The following SCAF8 variants were observed in gnomAD, a reference collection of about 807,000 sequenced individuals.
SCAF8 encodes the protein SR-related and CTD-associated factor 8.
Under a neutral mutation model 140.5 loss-of-function variants are expected in SCAF8, and 23 were observed. The ratio of observed to expected loss-of-function variants is 0.16; its 90% CI spans 0.12 to 0.23. The LOEUF is 0.23. Among genes scored for constraint, SCAF8 ranks in the 10% least tolerant of loss-of-function variants. The pLI is 1.00. For synonymous variants in SCAF8, 575 were observed against 528.9 expected, an observed-to-expected ratio of 1.09 and a Z score of -1.20; for missense variants, 1,397 against 1,555.7, an observed-to-expected ratio of 0.90 and a Z score of 1.72.
Position 154,795,145 on chromosome 6 carries a change from CG to C in SCAF8, c.606+8del. The C allele has an allele frequency of 6.4e-7, 1 of 1,556,340 alleles. No homozygotes were observed. Among genetic ancestry groups the C allele is most frequent in the South Asian group, 1.2e-5 (1 of 85,816 alleles). On this transcript the variant is annotated splice_region_variant and intron_variant, in intron 6 of 19. Coordinates refer to ENST00000367178, the MANE Select transcript of SCAF8 (RefSeq NM_014892.5). ...AAAGTCCTCAAGGCCAGCAGGTGAG[CG>C]GTTTTTCTGTTATATCAAGAATAAT...
rs188498947 is a variant in SCAF8 at position 154,831,188 on chromosome 6, T to C, written c.2359+48T>C. 206 of 1,205,642 alleles carry C rather than the reference T, an allele frequency of 1.7e-4. 2 individuals carry two copies. The East Asian group carries it at 3.2e-3, about 19-fold the overall frequency. The allele number at this position is 1,205,642 out of a possible 1,614,324, so 74.7% of individuals were successfully genotyped here. A position where few individuals can be genotyped will look rare whatever the true frequency, so the allele number is the denominator to read the frequency against. ...AAAAAAAGAGGTTGCCTCTCTGTAT[T>C]TGGTGTTTAATTCTGGGGTGGCATG... On this transcript the variant is annotated intron_variant, in intron 19 of 19. Coordinates refer to ENST00000367178, the MANE Select transcript of SCAF8 (RefSeq NM_014892.5).
chr6:154,820,288 G>T lies in SCAF8; in HGVS notation c.1747G>T (p.Gly583Cys), dbSNP rs756856374. ...AAAAGTTAAAGTGGATGACTTGGAAGGTTTTGCAGAAGGAGGCATGATTGA... is the reference window on the plus strand; with the variant it reads ...AAAAGTTAAAGTGGATGACTTGGAATGTTTTGCAGAAGGAGGCATGATTGA... ...WEKVKVDDLEGFAEGGMIDQE... is the reference protein window; with the variant it reads ...WEKVKVDDLECFAEGGMIDQE... The change falls in exon 15 of 20, where the codon GGT becomes TGT. Residue 583 changes from glycine (G) to cysteine (C), a missense_variant. This residue lies in a region of SCAF8 where 930 missense variants were observed against 874.6 expected (regional missense o/e 1.06). Transcript: ENST00000367178. 2.0e-5 allele frequency: 32 copies of T among 1,611,670 alleles called. No homozygotes were observed. The highest frequency in any genetic ancestry group is 2.5e-5 in the Non-Finnish European group (30 of 1,179,290).
chr6:154,808,279 G>A (rs1777981702), intron 10 of SCAF8, 78 bp downstream of exon 10: 15 of 1,339,354 alleles, frequency 1.1e-5, no homozygotes, highest in East Asian at 2.3e-5. Flanking sequence ...TACTAGCAGT[G>A]CCCTGAATAT....
rs568190180 is a variant in SCAF8, at chr6:154,820,147, T to TTTC, written c.1636-27_1636-25dup. 558 of 1,541,112 alleles carry TTTC rather than the reference T, an allele frequency of 3.6e-4. No individual in the cohort carries two copies. The African/African-American group carries it at 7.2e-3, about 20-fold the overall frequency. On this transcript the variant is annotated intron_variant, in intron 14 of 19. Transcript: ENST00000367178. ...GTTTTTATAGTATGTATGTATAACC[T>TTTC]TTCTTTTTTCCTCTTCCCATTTACA...
chr6:154,778,973 C>T (rs1249892690), intron 3 of SCAF8, among the ~76,000 whole-genome samples: 2 of 152,092 alleles, frequency 1.3e-5, no homozygotes, highest in Admixed American at 1.3e-4. Context: ...AGAGATTGTT[C>T]TGATTAAAGA....
chr6:154,735,659 G>A (rs1778396906), intron 1 of SCAF8, among the ~76,000 whole-genome samples: 1 of 151,474 alleles, frequency 6.6e-6, no homozygotes, highest in Non-Finnish European at 1.5e-5. Flanking sequence ...GATTACAGGC[G>A]CACATCACCA....
At chr6:154,764,507 T>C (rs188318073) in intron 1 of SCAF8, among the ~76,000 whole-genome samples, 5 of 152,226 alleles carry the variant, frequency 3.3e-5, no homozygotes, top group Non-Finnish European at 2.9e-5. Context: ...TTAGGAAGCA[T>C]TTAGGAAGTT....
At chr6:154,777,801 A>C (rs577240479) in intron 2 of SCAF8, among the ~76,000 whole-genome samples, 200 bp from the exon 3 acceptor site, 2 of 152,294 alleles carry the variant, frequency 1.3e-5, no homozygotes, top group South Asian at 2.1e-4. Flanking sequence ...TCACACATCT[A>C]CTTTAGAGAA....
chr6:154,776,244 C>T (rs1776913172), intron 2 of SCAF8, among the ~76,000 whole-genome samples: 1 of 151,554 alleles, frequency 6.6e-6, no homozygotes, highest in African/African-American at 2.4e-5. Flanking sequence ...AGCGTCTAGA[C>T]CAGTTGTTTT....
In SCAF8 at chr6:154,733,573, G is replaced by A. The variant is rs894076610; in HGVS notation, c.-328G>A. The stretch of plus-strand genomic sequence containing the variant: ...AGTGTAGGGGAAGGGGCTAGAGGGA[G>A]GGGGACCGAAACGGAGCGGGGCAGA... On this transcript the variant is annotated 5_prime_UTR_variant, in exon 1 of 20. Transcript: ENST00000367178. The A allele has an allele frequency of 1.6e-6, 2 of 1,281,644 alleles. No individual in the cohort carries two copies. Among genetic ancestry groups the A allele is most frequent in the South Asian group, 2.6e-5 (1 of 38,342 alleles). The allele number at this position is 1,281,644 out of a possible 1,614,324, so 79.4% of individuals were successfully genotyped here.
chr6:154,830,565 C>T (rs1778700576), intron 18 of SCAF8, among the ~76,000 whole-genome samples: 1 of 152,156 alleles, frequency 6.6e-6, no homozygotes. Flanking sequence ...GATTTTCATA[C>T]TCATACATTT....
intron 2 of SCAF8, among the ~76,000 whole-genome samples, chr6:154,777,515 CAGA>C (rs1242856719): frequency 1.3e-5 from 2 of 152,220 alleles, no homozygotes; most frequent in African/African-American, 4.8e-5. Flanking sequence ...CCAGGAGAAG[CAGA>C]AGGAGATAAA....
chr6:154,758,287 A>AT (rs887549988), intron 1 of SCAF8, among the ~76,000 whole-genome samples: 5 of 152,226 alleles, frequency 3.3e-5, no homozygotes, highest in African/African-American at 1.2e-4. Flanking sequence ...AAGGATGTTG[A>AT]TTTTTGTTTA....
At position 154,733,793 on chromosome 6, in the gene SCAF8, A is replaced by C. The variant is rs1309722618; in HGVS notation, c.-108A>C. The C allele has an allele frequency of 1.0e-5, 14 of 1,403,032 alleles. No individual in the cohort carries two copies. In the East Asian group the frequency reaches 4.1e-4, roughly 41 times the overall value. The allele number at this position is 1,403,032 out of a possible 1,614,324, so 86.9% of individuals were successfully genotyped here. On this transcript the variant is annotated 5_prime_UTR_variant, in exon 1 of 20. Transcript: ENST00000367178. Reference sequence around the variant, plus strand: ...GGTCGCAGCGGCCCGCTCTCCCGCCAGCGCCCCCTCCTCGCGGCCACGCAG... The same window carrying C: ...GGTCGCAGCGGCCCGCTCTCCCGCCCGCGCCCCCTCCTCGCGGCCACGCAG...
chr6:154,734,185 A>G (rs4452651), intron 1 of SCAF8, among the ~76,000 whole-genome samples: 91,650 of 151,734 alleles, frequency 0.6, 30,373 homozygotes, highest in East Asian at 0.91. Flanking sequence ...AATGGCTGCG[A>G]GCTCGGAGGG....
intron 1 of SCAF8, among the ~76,000 whole-genome samples, chr6:154,745,840 T>C (rs758208819): frequency 6.6e-5 from 10 of 152,044 alleles, no homozygotes; most frequent in Non-Finnish European, 1.3e-4. Context: ...TTTATATATA[T>C]AGGTGTATAT....
intron 18 of SCAF8, among the ~76,000 whole-genome samples, chr6:154,829,658 G>T (rs1778672044): frequency 6.6e-6 from 1 of 152,138 alleles, no homozygotes; most frequent in Non-Finnish European, 1.5e-5. Context: ...TGTAATCTCA[G>T]TACTTTGGGA....
intron 2 of SCAF8, among the ~76,000 whole-genome samples, chr6:154,777,038 G>A (rs192553588): frequency 1.9e-3 from 291 of 152,222 alleles, no homozygotes; most frequent in African/African-American, 5.3e-3. Flanking sequence ...AAAATTAGGC[G>A]TGGTGGCTGG....
rs761523007 is a variant in SCAF8, at chr6:154,733,917, C to G, written c.17C>G (p.Thr6Ser). 2.0e-6 allele frequency: 3 copies of G among 1,538,364 alleles called. No individual in the cohort carries two copies. Among genetic ancestry groups the G allele is most frequent in the Non-Finnish European group, 2.6e-6 (3 of 1,149,136 alleles). ...AGCGACAACATGGAGGCCGTGAAGACCTTCAATAGCGAGGTTGGTATGGCA... is the reference window on the plus strand; with the variant it reads ...AGCGACAACATGGAGGCCGTGAAGAGCTTCAATAGCGAGGTTGGTATGGCA... MEAVK[T>S]FNSELYSLND... The change falls in exon 1 of 20, where the codon ACC becomes AGC. Residue 6 changes from threonine (T) to serine (S), a missense_variant. Coordinates refer to ENST00000367178, the MANE Select transcript of SCAF8 (RefSeq NM_014892.5).
Sources: gnomAD v4.1 joint callset for allele counts (sites outside exome capture counted in the v4.1 genomes callset) on GRCh38, gnomAD v4.1.1 for gene constraint, gnomAD v4.1.1 regional missense constraint, MANE v1.5 for transcripts, NCBI Gene and HGNC (gene_info 2026-07-23, HGNC 2026-07-21) for gene names.